TSC22D3: variants seen among roughly 807,000 people sequenced by gnomAD.
TSC22D3 encodes the protein TSC22 domain family member 3.
Under a neutral mutation model 11.1 loss-of-function variants are expected in TSC22D3, and 4 were observed. That is an observed-to-expected ratio of 0.36 (90% CI 0.18 to 0.83). TSC22D3 has a LOEUF of 0.83. Ranked by LOEUF, TSC22D3 falls within the 40% of genes least tolerant of loss-of-function variation. TSC22D3 has a pLI of 0.48. For missense variants in TSC22D3, 118 were observed against 159.4 expected, an observed-to-expected ratio of 0.74 and a Z score of 1.40; for synonymous variants, 77 against 70.3, an observed-to-expected ratio of 1.10 and a Z score of -0.48.
Position 107,716,869 on chromosome X carries a change from G to C in TSC22D3, c.321-919C>G. The C allele has an allele frequency of 1.0e-5, 12 of 1,194,681 alleles. No individual in the cohort carries two copies. The South Asian group carries it at 2.2e-4, about 22-fold the overall frequency. On this transcript the variant is annotated intron_variant, in intron 1 of 2. Coordinates refer to ENST00000372383, the MANE Select transcript of TSC22D3 (RefSeq NM_198057.3). ...TCGTGCGGGGCTGGGCGGCTGGGCG[G>C]CTGGGTGGCTGCTGGCAGGCTGCGC...
chrX:107,741,636 C>T (rs1344750221), intron 1 of TSC22D3, among the ~76,000 whole-genome samples: 1 of 112,618 alleles, frequency 8.9e-6, no homozygotes, highest in Admixed American at 9.3e-5. Context: ...GCAGCAGAAG[C>T]GCCCACAACG....
chrX:107,724,213 C>T (rs1481992184), intron 1 of TSC22D3, among the ~76,000 whole-genome samples: 1 of 112,513 alleles, frequency 8.9e-6, no homozygotes, highest in African/African-American at 3.2e-5. Flanking sequence ...GGCAGCCTAG[C>T]TGGGGTGGGG....
At chrX:107,742,495 G>A (rs746918422) in intron 1 of TSC22D3, among the ~76,000 whole-genome samples, 2 of 110,829 alleles carry the variant, frequency 1.8e-5, no homozygotes, top group South Asian at 7.7e-4. Flanking sequence ...TCTCCCCGCC[G>A]AGGCTCCTTT....
chrX:107,741,795 A>G (rs1602389333), intron 1 of TSC22D3, among the ~76,000 whole-genome samples: 2 of 111,981 alleles, frequency 1.8e-5, no homozygotes, highest in East Asian at 5.7e-4. Flanking sequence ...TTCTGTCTGT[A>G]GGGCTAGCCC....
intron 1 of TSC22D3, among the ~76,000 whole-genome samples, chrX:107,764,264 C>T (rs965035001): frequency 8.9e-6 from 1 of 112,225 alleles, no homozygotes; most frequent in Non-Finnish European, 1.9e-5. Flanking sequence ...ATTATATCCC[C>T]AGTACCTGCC....
intron 1 of TSC22D3, among the ~76,000 whole-genome samples, chrX:107,724,956 C>G (rs1927543894): frequency 8.9e-6 from 1 of 111,896 alleles, no homozygotes; most frequent in African/African-American, 3.3e-5. Flanking sequence ...CTAACTAGAG[C>G]CAGTCCTGGC....
chrX:107,768,751 G>A, intron 1 of TSC22D3, among the ~76,000 whole-genome samples: 1 of 112,661 alleles, frequency 8.9e-6, no homozygotes, highest in East Asian at 2.8e-4. Context: ...CATGACCAGA[G>A]GTCTGATAAA....
chrX:107,732,298 T>C (rs1360094245), intron 1 of TSC22D3, among the ~76,000 whole-genome samples: 1 of 108,048 alleles, frequency 9.3e-6, no homozygotes, highest in African/African-American at 3.4e-5. Context: ...CAGTCACCCA[T>C]TAGAGCTCTC....
intron 1 of TSC22D3, among the ~76,000 whole-genome samples, chrX:107,738,782 G>A (rs753973646): frequency 4.4e-5 from 5 of 113,128 alleles, no homozygotes; most frequent in East Asian, 5.6e-4. Flanking sequence ...TGGCCCATGA[G>A]CTTGGCTTCC....
intron 1 of TSC22D3, 139 bp downstream of exon 1, chrX:107,774,961 G>T: frequency 1.4e-6 from 1 of 697,430 alleles, no homozygotes; most frequent in African/African-American, 2.1e-5. Flanking sequence ...CAACCTCAAG[G>T]TCCAGTCACT....
intron 1 of TSC22D3, among the ~76,000 whole-genome samples, chrX:107,772,593 T>A (rs1440680381): frequency 9.0e-6 from 1 of 111,451 alleles, no homozygotes; most frequent in East Asian, 2.8e-4. Context: ...ATGCCTGTGA[T>A]CCTGGCACTT....
At chrX:107,762,846 CTTTTTTTTTT>C (rs1170456785) in intron 1 of TSC22D3, among the ~76,000 whole-genome samples, 653 of 44,773 alleles carry the variant, frequency 0.015, 16 homozygotes, top group African/African-American at 0.051. Context: ...TGCACATGTA[CTTTTTTTTTT>C]TTTTTTTTTT....
At chrX:107,741,245 C>G (rs1188005295) in intron 1 of TSC22D3, among the ~76,000 whole-genome samples, 1 of 112,664 alleles carries the variant, frequency 8.9e-6, no homozygotes, top group East Asian at 2.8e-4. Flanking sequence ...ATGCTGGCCA[C>G]TTTAGCTGGC....
At chrX:107,724,300 G>A (rs1927500765) in intron 1 of TSC22D3, among the ~76,000 whole-genome samples, 1 of 112,970 alleles carries the variant, frequency 8.9e-6, no homozygotes, top group Non-Finnish European at 1.9e-5. Flanking sequence ...GCTTCTCCCT[G>A]GGGAGGGCCC....
rs751011140 is a variant in TSC22D3 at position 107,738,504 on chromosome X, G to A, written c.321-22554C>T. On this transcript the variant is annotated intron_variant, in intron 1 of 2. Coordinates refer to ENST00000372383, the MANE Select transcript of TSC22D3 (RefSeq NM_198057.3). ...CCTGGCACTCTTGCCACCAGACCCC[G>A]CTGCCGCTCCCTCTCCTCTCTTGCC... 1.9e-4 allele frequency among the ~76,000 whole-genome samples: 21 copies of A among 112,724 alleles called. 1 individual carries two copies. The highest frequency in any genetic ancestry group is 2.9e-4 in the African/African-American group (9 of 30,991).
At chrX:107,767,656 C>T (rs1929729606) in intron 1 of TSC22D3, among the ~76,000 whole-genome samples, 1 of 111,997 alleles carries the variant, frequency 8.9e-6, no homozygotes, top group Non-Finnish European at 1.9e-5. Context: ...TAGACAGTGG[C>T]CTCCAAAAGA....
chrX:107,746,534 T>C (rs1928668309), intron 1 of TSC22D3, among the ~76,000 whole-genome samples: 1 of 109,634 alleles, frequency 9.1e-6, no homozygotes, highest in Non-Finnish European at 1.9e-5. Flanking sequence ...AGGATTTGAC[T>C]CAGATAGAGT....
At chrX:107,716,545 T>TGCCCCC in intron 1 of TSC22D3, 3 of 796,112 alleles carry the variant, frequency 3.8e-6, no homozygotes, top group Non-Finnish European at 4.5e-6. Flanking sequence ...CCTTCCTGCG[T>TGCCCCC]CCCCTCCCCC....
Position 107,714,285 on chromosome X carries a change from C to T in TSC22D3, c.*234G>A. ...CCAGGGCGCAGTAGCATTAGAGGCT[C>T]ACTGGCTTGGTGTTACTAGGCCCCA... On this transcript the variant is annotated 3_prime_UTR_variant, in exon 3 of 3. Transcript: ENST00000372383. The T allele has an allele frequency of 2.6e-6, 1 of 378,386 alleles. No individual in the cohort carries two copies. The highest frequency in any genetic ancestry group is 4.6e-6 in the Non-Finnish European group (1 of 217,580). The allele number at this position is 378,386 out of a possible 1,213,427, so 31.2% of individuals were successfully genotyped here.
Sources: allele counts gnomAD v4.1 joint callset (sites outside exome capture counted in the v4.1 genomes callset), GRCh38; gene constraint gnomAD v4.1.1; transcripts MANE v1.5; gene names NCBI Gene and HGNC (gene_info 2026-07-23, HGNC 2026-07-21).